Variants in JHY observed in about 807,000 individuals in gnomAD.
JHY encodes the protein jhy protein homolog.
A neutral mutation model predicts 78.0 loss-of-function variants in JHY; 69 were observed. The observed-to-expected ratio is 0.88, with a 90% CI of 0.73 to 1.08. The LOEUF (loss-of-function observed/expected upper bound fraction) is 1.08, where lower values mean the gene tolerates loss of function less well. Among genes scored for constraint, JHY ranks in the 50% least tolerant of loss-of-function variants. JHY has a pLI of 0.00. For synonymous variants in JHY, 368 were observed against 342.6 expected (o/e 1.07, Z -0.82); for missense variants, 944 against 927.8 (o/e 1.02, Z -0.23).
At chr11:122,889,277 A>C (rs1250572573) in intron 2 of JHY, among the ~76,000 whole-genome samples, 1 of 152,234 alleles carries the variant, frequency 6.6e-6, no homozygotes, top group Admixed American at 6.5e-5. Flanking sequence ...TCATTTAACA[A>C]AATACCCATG....
chr11:122,906,533 G>A (rs1412188958), intron 3 of JHY, among the ~76,000 whole-genome samples: 1 of 152,048 alleles, frequency 6.6e-6, no homozygotes, highest in East Asian at 1.9e-4. Context: ...CTCAAACTAG[G>A]ACAATATTTT....
intron 3 of JHY, among the ~76,000 whole-genome samples, chr11:122,907,543 T>C (rs910454789): frequency 6.6e-6 from 1 of 152,124 alleles, no homozygotes; most frequent in Non-Finnish European, 1.5e-5. Context: ...CACCTGAGAA[T>C]TTTTAAAAGT....
At chr11:122,934,313 CAAATAAATAAATAAATAAAT>C (rs36092881) in intron 4 of JHY, 87 bp from the exon 5 acceptor site, 8 of 512,584 alleles carry the variant, frequency 1.6e-5, no homozygotes, top group African/African-American at 8.0e-5. Context: ...GACTCCGTCT[CAAATAAATAAATAAATAAAT>C]AAATAAATAA....
At chr11:122,955,712 C>G (rs913546347) in intron 6 of JHY, among the ~76,000 whole-genome samples, 2 of 152,122 alleles carry the variant, frequency 1.3e-5, no homozygotes, top group Non-Finnish European at 2.9e-5. Context: ...ACTTACTTTT[C>G]TCTTGAATAT....
rs75103902 is a variant in JHY, at chr11:122,883,493, T to C, written c.-90+521T>C. ...CAGGGATCCCTGGGGAGCTGGCCGCTTCTTAGTCCCTAGGTGCCATCGGAT... is the reference window on the plus strand; with the variant it reads ...CAGGGATCCCTGGGGAGCTGGCCGCCTCTTAGTCCCTAGGTGCCATCGGAT... On this transcript the variant is annotated intron_variant, in intron 1 of 8. Transcript: ENST00000227349. This position sits in a 1 kb window ranked among gnomAD's most constrained non-coding sequence, Gnocchi z 4.4. Among the ~76,000 whole-genome samples the C allele has an allele frequency of 0.015, 2,273 of 152,272 alleles. 68 individuals carry two copies. Among genetic ancestry groups the C allele is most frequent in the African/African-American group, 0.052 (2,173 of 41,546 alleles).
rs111754989 is a variant in JHY at position 122,938,260 on chromosome 11, G to A, written c.1634+3185G>A. 8.5e-4 allele frequency among the ~76,000 whole-genome samples: 130 copies of A among 152,112 alleles called. 2 individuals carry two copies. The highest frequency in any genetic ancestry group is 3.0e-3 in the African/African-American group (126 of 41,518). The stretch of plus-strand genomic sequence containing the variant: ...CTAGAAACTCCTGTGATTCAGATGC[G>A]TTTTTCCAGGACCGTTATTATGATT... On this transcript the variant is annotated intron_variant, in intron 5 of 8. Transcript: ENST00000227349.
Position 122,883,204 on chromosome 11 carries a change from C to T in JHY, c.-90+232C>T, listed in dbSNP as rs1862421539. 2.6e-5 allele frequency among the ~76,000 whole-genome samples: 4 copies of T among 152,164 alleles called. No homozygotes were observed. The highest frequency in any genetic ancestry group is 2.6e-4 in the Admixed American group (4 of 15,280). On this transcript the variant is annotated intron_variant, in intron 1 of 8. Coordinates refer to ENST00000227349, the MANE Select transcript of JHY (RefSeq NM_024806.4). The surrounding 1 kb of genome is among the most constrained non-coding windows in gnomAD (Gnocchi z 4.4). Reference sequence around the variant, plus strand: ...CCCGGGCACCCAGAGCAGCCCTGTTCCCGGTCAATTAGGACCGGTCCCGGG... The same window carrying T: ...CCCGGGCACCCAGAGCAGCCCTGTTTCCGGTCAATTAGGACCGGTCCCGGG...
rs1488756563 is a variant in JHY at position 122,960,865 on chromosome 11, TGGA to T, written c.*1423_*1425del. On this transcript the variant is annotated 3_prime_UTR_variant, in exon 9 of 9. Coordinates refer to ENST00000227349, the MANE Select transcript of JHY (RefSeq NM_024806.4). Reference sequence around the variant, plus strand: ...CAGAGGAATAACATTGCTATGGCTGTGGAGGTTACTTACTGGGAATGACTGCAT... The same window carrying T: ...CAGAGGAATAACATTGCTATGGCTGTGGTTACTTACTGGGAATGACTGCAT... 1.2e-5 allele frequency: 8 copies of T among 673,504 alleles called. No individual in the cohort carries two copies. Among genetic ancestry groups the T allele is most frequent in the Non-Finnish European group, 2.3e-5 (8 of 345,818 alleles). The allele number at this position is 673,504 out of a possible 1,614,324, so 41.7% of individuals were successfully genotyped here. A position where few individuals can be genotyped will look rare whatever the true frequency, so the allele number is the denominator to read the frequency against.
intron 2 of JHY, among the ~76,000 whole-genome samples, chr11:122,892,849 C>A (rs1407290590): frequency 2.6e-5 from 4 of 152,104 alleles, no homozygotes; most frequent in Non-Finnish European, 5.9e-5. Flanking sequence ...TTGTAGAATG[C>A]ATCAGGAATA....
intron 2 of JHY, among the ~76,000 whole-genome samples, chr11:122,896,335 T>G (rs1862739681): frequency 1.0e-5 from 1 of 100,096 alleles, no homozygotes; most frequent in East Asian, 3.0e-4. Flanking sequence ...AGAGGAAGAC[T>G]CTGTCTCAAA....
At chr11:122,890,841 A>G (rs1020487495) in intron 2 of JHY, among the ~76,000 whole-genome samples, 1 of 152,216 alleles carries the variant, frequency 6.6e-6, no homozygotes, top group Non-Finnish European at 1.5e-5. Context: ...AGAATAGGTT[A>G]TAGCCCTAGT....
intron 6 of JHY, among the ~76,000 whole-genome samples, chr11:122,952,400 C>T (rs1255713829): frequency 6.6e-6 from 1 of 152,148 alleles, no homozygotes; most frequent in Non-Finnish European, 1.5e-5. Context: ...CTTGCGCCAA[C>T]CTTAAGTAAA....
At chr11:122,943,642 G>A (rs1863914475) in intron 5 of JHY, among the ~76,000 whole-genome samples, 1 of 152,172 alleles carries the variant, frequency 6.6e-6, no homozygotes, top group South Asian at 2.1e-4. Context: ...GGGACATGCA[G>A]ATTTATAATT....
At position 122,961,166 on chromosome 11, in the gene JHY, T is replaced by C. The variant is rs1459502773; in HGVS notation, c.*1721T>C. On this transcript the variant is annotated 3_prime_UTR_variant, in exon 9 of 9. Transcript: ENST00000227349. ...ACTAGGCTATGTGGCAAAATCTTTC[T>C]GTATTGCCCTCTACTGAAGTAGATA... The C allele has an allele frequency of 8.6e-6, 5 of 582,656 alleles. No homozygotes were observed. The highest frequency in any genetic ancestry group is 1.6e-5 in the Non-Finnish European group (5 of 315,880). 36.1% of individuals were successfully genotyped at this position (582,656 alleles called of 1,614,324 possible).
chr11:122,921,577 A>G (rs941923798), intron 3 of JHY, among the ~76,000 whole-genome samples: 2 of 152,190 alleles, frequency 1.3e-5, no homozygotes, highest in Non-Finnish European at 2.9e-5. Flanking sequence ...GTTGAACATC[A>G]TGGTTATATG....
chr11:122,893,090 C>T (rs1430620609), intron 2 of JHY, among the ~76,000 whole-genome samples: 1 of 152,114 alleles, frequency 6.6e-6, no homozygotes, highest in Admixed American at 6.5e-5. Context: ...CATTGTTTTG[C>T]CAACCTCTTA....
intron 3 of JHY, among the ~76,000 whole-genome samples, chr11:122,921,688 A>G (rs1863369799): frequency 6.6e-6 from 1 of 152,190 alleles, no homozygotes; most frequent in African/African-American, 2.4e-5. Flanking sequence ...AGAGGGACTG[A>G]GATAGAAAAT....
rs141747705 is a variant in JHY, at chr11:122,930,047, C to T, written c.979-4373C>T. ...ACCAGTGCAGTCTACACCATCAAGA[C>T]GCCCAGCTGTGAACTGAGAAAGAGA... On this transcript the variant is annotated intron_variant, in intron 4 of 8. Coordinates refer to ENST00000227349, the MANE Select transcript of JHY (RefSeq NM_024806.4). Among the ~76,000 whole-genome samples, 430 of 152,204 alleles carry T rather than the reference C, an allele frequency of 2.8e-3. 2 individuals carry two copies. Among genetic ancestry groups the T allele is most frequent in the Middle Eastern group, 0.014 (4 of 294 alleles).
Position 122,961,806 on chromosome 11 carries a change from G to GA in JHY, c.*2369dup, listed in dbSNP as rs1301892974. 6.6e-6 allele frequency among the ~76,000 whole-genome samples: 1 copy of GA among 151,800 alleles called. No homozygotes were observed. Among genetic ancestry groups the GA allele is most frequent in the African/African-American group, 2.4e-5 (1 of 41,328 alleles). ...ACACAAATAAATAAAGAATAAAGTTGAAAAAAAATGAAGGTACATCTGGCT... is the reference window on the plus strand; with the variant it reads ...ACACAAATAAATAAAGAATAAAGTTGAAAAAAAAATGAAGGTACATCTGGCT... On this transcript the variant is annotated 3_prime_UTR_variant, in exon 9 of 9. Coordinates refer to ENST00000227349, the MANE Select transcript of JHY (RefSeq NM_024806.4).
Sources: gnomAD v4.1 joint callset for allele counts (sites outside exome capture counted in the v4.1 genomes callset) on GRCh38, gnomAD v4.1.1 for gene constraint, Gnocchi (gnomAD v3.1) non-coding constraint, MANE v1.5 for transcripts, NCBI Gene and HGNC (gene_info 2026-07-23, HGNC 2026-07-21) for gene names.